MACROD2: variants seen among roughly 807,000 people sequenced by gnomAD.
MACROD2 encodes the protein ADP-ribose glycohydrolase MACROD2.
MACROD2 carries 36 observed loss-of-function variants against 70.4 expected under a neutral mutation model. That is an observed-to-expected ratio of 0.51 (90% confidence interval 0.39 to 0.68). MACROD2 has a LOEUF of 0.68. Ranked by LOEUF, MACROD2 falls within the 30% of genes least tolerant of loss-of-function variation. The pLI is 0.00. For missense variants in MACROD2, 496 were observed against 538.4 expected (o/e 0.92, Z 0.78); for synonymous variants, 172 against 178.8 (o/e 0.96, Z 0.30).
intron 8 of MACROD2, among the ~76,000 whole-genome samples, chr20:15,658,179 TA>T (rs1464162309): frequency 6.6e-6 from 1 of 151,486 alleles, no homozygotes; most frequent in Non-Finnish European, 1.5e-5. Flanking sequence ...AACGCTTTTT[TA>T]AAAAATATAG....
chr20:15,096,457 A>AAT (rs912429724), intron 5 of MACROD2, among the ~76,000 whole-genome samples: 55 of 147,954 alleles, frequency 3.7e-4, no homozygotes, highest in African/African-American at 1.3e-3. Flanking sequence ...TATATATATA[A>AAT]ATATATATAA....
chr20:14,750,804 A>T (rs1380837250), intron 5 of MACROD2, among the ~76,000 whole-genome samples: 1 of 152,058 alleles, frequency 6.6e-6, no homozygotes, highest in African/African-American at 2.4e-5. Flanking sequence ...GTATAACAAA[A>T]TACACCAAAA....
At chr20:15,406,265 A>G (rs892569576) in intron 6 of MACROD2, among the ~76,000 whole-genome samples, 4 of 152,202 alleles carry the variant, frequency 2.6e-5, no homozygotes, top group Non-Finnish European at 5.9e-5. Context: ...GAAAGTGTCC[A>G]GCATTATTTT....
intron 4 of MACROD2, among the ~76,000 whole-genome samples, chr20:14,661,765 G>A (rs1457033879): frequency 2.6e-5 from 4 of 151,406 alleles, no homozygotes; most frequent in African/African-American, 4.9e-5. Context: ...ATTAATAAAT[G>A]TATGAATTTG....
intron 5 of MACROD2, among the ~76,000 whole-genome samples, chr20:14,907,456 CTG>C (rs1040157036): frequency 1.3e-5 from 2 of 152,192 alleles, no homozygotes; most frequent in African/African-American, 4.8e-5. Context: ...CTTGCCTGCA[CTG>C]TGTCAGTAAG....
At chr20:14,269,506 C>G (rs1256166380) in intron 3 of MACROD2, among the ~76,000 whole-genome samples, 1 of 152,038 alleles carries the variant, frequency 6.6e-6, no homozygotes, top group Admixed American at 6.5e-5. Flanking sequence ...CAAAATCTAT[C>G]TTGTTATTCT....
At position 14,322,378 on chromosome 20, in the gene MACROD2, A is replaced by G. The variant is rs1012471038; in HGVS notation, c.272-171101A>G. On this transcript the variant is annotated intron_variant, in intron 3 of 17. Coordinates refer to ENST00000684519, the MANE Select transcript of MACROD2 (RefSeq NM_001351661.2). ...AAACTTTTCTATGCTCATGAAAGGT[A>G]TACTGACTGGAAAATATCAATATAA... 4.0e-5 allele frequency among the ~76,000 whole-genome samples: 6 copies of G among 148,374 alleles called. No homozygotes were observed. The Admixed American group carries it at 4.1e-4, about 10-fold the overall frequency.
At chr20:15,218,403 T>C (rs1601245071) in intron 5 of MACROD2, among the ~76,000 whole-genome samples, 1 of 152,222 alleles carries the variant, frequency 6.6e-6, no homozygotes, top group Non-Finnish European at 1.5e-5. Context: ...TCTGCTTTCA[T>C]GTCAGCTGAT....
At chr20:15,873,754 TAGAA>T (rs2064620825) in intron 9 of MACROD2, among the ~76,000 whole-genome samples, 2 of 151,970 alleles carry the variant, frequency 1.3e-5, no homozygotes, top group African/African-American at 4.8e-5. Flanking sequence ...GGTTTAAAAA[TAGAA>T]AGAAAAGAAG....
At chr20:14,713,495 A>G (rs2071361726) in intron 5 of MACROD2, among the ~76,000 whole-genome samples, 1 of 152,154 alleles carries the variant, frequency 6.6e-6, no homozygotes, top group South Asian at 2.1e-4. Context: ...CAGTTTTACC[A>G]CCTAATATAT....
rs531348551 is a variant in MACROD2 at position 14,228,398 on chromosome 20, C to A, written c.271+142670C>A. Among the ~76,000 whole-genome samples, 9 of 148,506 alleles carry A rather than the reference C, an allele frequency of 6.1e-5. No homozygotes were observed. The South Asian group carries it at 6.4e-4, about 10-fold the overall frequency. ...TGTCACCCAGGCTGGAGTGCAGTGG[C>A]GTGATCTCGGCTCACTGCAAGCTCC... is the stretch of plus-strand genomic sequence containing the variant. On this transcript the variant is annotated intron_variant, in intron 3 of 17. Transcript: ENST00000684519.
chr20:15,707,198 G>C (rs997943371), intron 8 of MACROD2, among the ~76,000 whole-genome samples: 1 of 152,138 alleles, frequency 6.6e-6, no homozygotes, highest in Non-Finnish European at 1.5e-5. Context: ...TGACGGAAAC[G>C]AGTATGAGGA....
rs11908401 is a variant in MACROD2 at position 14,192,115 on chromosome 20, G to C, written c.271+106387G>C. 1.6e-3 allele frequency among the ~76,000 whole-genome samples: 243 copies of C among 152,090 alleles called. 1 individual carries two copies. The highest frequency in any genetic ancestry group is 7.1e-3 in the South Asian group (34 of 4,822). On this transcript the variant is annotated intron_variant, in intron 3 of 17. Coordinates refer to ENST00000684519, the MANE Select transcript of MACROD2 (RefSeq NM_001351661.2). Reference sequence around the variant, plus strand: ...TAGTAGGCATTCTATAAATGTTAGTGCCTTCATTCTCACTTTCTCTTCTTC... The same window carrying C: ...TAGTAGGCATTCTATAAATGTTAGTCCCTTCATTCTCACTTTCTCTTCTTC...
At chr20:15,753,639 G>A (rs2051305635) in intron 8 of MACROD2, among the ~76,000 whole-genome samples, 2 of 152,154 alleles carry the variant, frequency 1.3e-5, no homozygotes, top group Non-Finnish European at 2.9e-5. Context: ...CCAAGTAATA[G>A]GATTGCTGGA....
At chr20:14,371,960 T>G (rs143599315) in intron 3 of MACROD2, among the ~76,000 whole-genome samples, 3 of 152,254 alleles carry the variant, frequency 2.0e-5, no homozygotes, top group Middle Eastern at 3.4e-3. Flanking sequence ...TCTCATAACA[T>G]TATCCTTCTC....
intron 5 of MACROD2, among the ~76,000 whole-genome samples, chr20:15,046,424 C>A (rs1294265596): frequency 6.6e-6 from 1 of 152,180 alleles, no homozygotes; most frequent in African/African-American, 2.4e-5. Context: ...CAAGATTAAA[C>A]CCAATGAGAA....
chr20:14,597,490 T>C (rs1982223301), intron 4 of MACROD2, among the ~76,000 whole-genome samples: 1 of 152,174 alleles, frequency 6.6e-6, no homozygotes, highest in South Asian at 2.1e-4. Context: ...TCAAGAAACT[T>C]TGTCATCTTC....
chr20:14,156,919 C>T (rs1181535134), intron 3 of MACROD2, among the ~76,000 whole-genome samples: 3 of 152,176 alleles, frequency 2.0e-5, no homozygotes, highest in Non-Finnish European at 4.4e-5. Flanking sequence ...GATTTTAAAT[C>T]TTGAATTCTA....
At chr20:15,807,535 T>A (rs1382924927) in intron 8 of MACROD2, among the ~76,000 whole-genome samples, 1 of 152,108 alleles carries the variant, frequency 6.6e-6, no homozygotes, top group Non-Finnish European at 1.5e-5. Context: ...CATTGAGCAA[T>A]GGGAATGTGG....
Sources: gnomAD v4.1 joint callset for allele counts (sites outside exome capture counted in the v4.1 genomes callset) on GRCh38, gnomAD v4.1.1 for gene constraint, MANE v1.5 for transcripts, NCBI Gene and HGNC (gene_info 2026-07-23, HGNC 2026-07-21) for gene names.